Variants in ATG10 observed in about 807,000 individuals in gnomAD.
ATG10 encodes autophagy related 10.
ATG10 carries 30 observed loss-of-function variants against 32.1 expected under a neutral mutation model. The observed-to-expected ratio is 0.94, with a 90% CI of 0.70 to 1.27. The LOEUF (loss-of-function observed/expected upper bound fraction) is 1.27. ATG10 is among the 50% of genes most tolerant of loss of function. The pLI is 0.00. For missense variants in ATG10, 233 were observed against 262.3 expected (o/e 0.89, Z 0.77); for synonymous variants, 87 against 91.5 (o/e 0.95, Z 0.28).
intron 5 of ATG10, among the ~76,000 whole-genome samples, chr5:82,193,256 G>T (rs1254233508): frequency 6.6e-6 from 1 of 152,202 alleles, no homozygotes; most frequent in Non-Finnish European, 1.5e-5. Context: ...GAATTGGATA[G>T]TGTCAGTATT....
chr5:82,041,141 A>T (rs1239641431), intron 2 of ATG10, among the ~76,000 whole-genome samples: 2 of 152,134 alleles, frequency 1.3e-5, no homozygotes, highest in African/African-American at 4.8e-5. Context: ...AACTTTACTT[A>T]TTATCTATCT....
chr5:82,017,667 T>A (rs560501179), intron 2 of ATG10, among the ~76,000 whole-genome samples: 13 of 152,292 alleles, frequency 8.5e-5, no homozygotes, highest in Admixed American at 8.5e-4. Flanking sequence ...TTAGAAGAAT[T>A]TAAGTAGTAA....
intron 3 of ATG10, among the ~76,000 whole-genome samples, chr5:82,103,876 C>G (rs889177744): frequency 6.6e-6 from 1 of 152,128 alleles, no homozygotes; most frequent in Non-Finnish European, 1.5e-5. Flanking sequence ...TTACTACCTG[C>G]CCCCAACAGT....
intron 4 of ATG10, among the ~76,000 whole-genome samples, chr5:82,171,199 G>A (rs911036927): frequency 1.1e-4 from 16 of 152,106 alleles, no homozygotes; most frequent in Non-Finnish European, 2.2e-4. Flanking sequence ...CATCACTTGC[G>A]TTATTCCATG....
At chr5:82,097,343 A>G (rs1010822607) in intron 3 of ATG10, among the ~76,000 whole-genome samples, 1 of 152,186 alleles carries the variant, frequency 6.6e-6, no homozygotes, top group African/African-American at 2.4e-5. Flanking sequence ...CCAGTAGTAA[A>G]ATAGCAAAGT....
Position 82,233,361 on chromosome 5 carries a change from G to C in ATG10, c.454-19201G>C, listed in dbSNP as rs985832304. 2.6e-5 allele frequency among the ~76,000 whole-genome samples: 4 copies of C among 152,122 alleles called. No homozygotes were observed. The East Asian group carries it at 7.7e-4, about 29-fold the overall frequency. ...ACACATTTCTTCCTTTAATAACCCA[G>C]AAGCAGTCTATTATCTGTTAATTTA... On this transcript the variant is annotated intron_variant, in intron 5 of 7. Transcript: ENST00000282185.
At chr5:81,975,045 T>TA (rs931196345) in intron 1 of ATG10, among the ~76,000 whole-genome samples, 1 of 152,220 alleles carries the variant, frequency 6.6e-6, no homozygotes, top group Non-Finnish European at 1.5e-5. Context: ...ACAGCTGTGT[T>TA]ACCTTGGACA....
intron 3 of ATG10, among the ~76,000 whole-genome samples, chr5:82,142,933 G>C (rs1020767206): frequency 6.6e-6 from 1 of 152,040 alleles, no homozygotes; most frequent in African/African-American, 2.4e-5. Context: ...GAATTGAGGA[G>C]GACAAGTAGT....
intron 5 of ATG10, among the ~76,000 whole-genome samples, chr5:82,236,561 G>A (rs1431601776): frequency 6.6e-6 from 1 of 152,154 alleles, no homozygotes; most frequent in African/African-American, 2.4e-5. Flanking sequence ...TCTCTATGGA[G>A]CCATGAAAGA....
At chr5:82,189,958 T>TA (rs1744593549) in intron 5 of ATG10, among the ~76,000 whole-genome samples, 1 of 152,152 alleles carries the variant, frequency 6.6e-6, no homozygotes, top group Admixed American at 6.5e-5. Context: ...ACTGGATACT[T>TA]GCTCCATAGT....
intron 5 of ATG10, among the ~76,000 whole-genome samples, chr5:82,213,064 A>T (rs1384412114): frequency 6.6e-6 from 1 of 152,088 alleles, no homozygotes; most frequent in Non-Finnish European, 1.5e-5. Context: ...AGCCTTTTTC[A>T]TTTCAACAAA....
At chr5:81,984,884 C>T (rs1761207930) in intron 1 of ATG10, among the ~76,000 whole-genome samples, 1 of 152,058 alleles carries the variant, frequency 6.6e-6, no homozygotes, top group Non-Finnish European at 1.5e-5. Context: ...ATGATGAATC[C>T]AGTTGAGATG....
At chr5:82,235,824 T>C (rs1346278280) in intron 5 of ATG10, among the ~76,000 whole-genome samples, 1 of 152,212 alleles carries the variant, frequency 6.6e-6, no homozygotes, top group Non-Finnish European at 1.5e-5. Flanking sequence ...CTTAAATCTG[T>C]TTTATTTTTC....
At chr5:82,184,508 T>C (rs1033760297) in intron 5 of ATG10, among the ~76,000 whole-genome samples, 14 of 152,072 alleles carry the variant, frequency 9.2e-5, no homozygotes, top group African/African-American at 3.1e-4. Flanking sequence ...CCCCAGGGGC[T>C]CTGTTTCAGG....
At chr5:82,090,798 T>C (rs1380209712) in intron 3 of ATG10, among the ~76,000 whole-genome samples, 1 of 152,198 alleles carries the variant, frequency 6.6e-6, no homozygotes, top group Non-Finnish European at 1.5e-5. Flanking sequence ...ACATACCATA[T>C]CTTTATGTAT....
intron 5 of ATG10, among the ~76,000 whole-genome samples, chr5:82,195,084 C>T (rs1744800735): frequency 6.6e-6 from 1 of 152,190 alleles, no homozygotes; most frequent in South Asian, 2.1e-4. Flanking sequence ...ACACTTCAAG[C>T]ACTTTGCTTT....
chr5:82,029,631 G>A (rs1762689581), intron 2 of ATG10, among the ~76,000 whole-genome samples: 1 of 152,164 alleles, frequency 6.6e-6, no homozygotes, highest in African/African-American at 2.4e-5. Context: ...TGGCATGATG[G>A]GTAGATGTTG....
intron 3 of ATG10, among the ~76,000 whole-genome samples, chr5:82,115,378 G>T (rs1044071195): frequency 2.0e-5 from 3 of 152,048 alleles, no homozygotes; most frequent in African/African-American, 7.2e-5. Flanking sequence ...GTATTGGCTG[G>T]AGAGTAGATG....
At chr5:82,115,244 G>A (rs1765762232) in intron 3 of ATG10, among the ~76,000 whole-genome samples, 1 of 152,044 alleles carries the variant, frequency 6.6e-6, no homozygotes, top group Non-Finnish European at 1.5e-5. Flanking sequence ...TGGGTAGTAA[G>A]TGATTTTATG....
Sources: allele counts gnomAD v4.1 joint callset (sites outside exome capture counted in the v4.1 genomes callset), GRCh38; gene constraint gnomAD v4.1.1; transcripts MANE v1.5; gene names NCBI Gene and HGNC (gene_info 2026-07-23, HGNC 2026-07-21).